Variants in ZNF346 observed in about 807,000 individuals in gnomAD.
ZNF346 encodes double-stranded RNA-binding zinc finger protein JAZ.
A neutral mutation model predicts 33.7 loss-of-function variants in ZNF346; 23 were observed. That is an observed-to-expected ratio of 0.68 (90% confidence interval 0.49 to 0.97). The LOEUF is 0.97. Among genes scored for constraint, ZNF346 ranks in the 50% least tolerant of loss-of-function variants. The pLI is 0.00. For missense variants in ZNF346, 340 were observed against 371.1 expected, an observed-to-expected ratio of 0.92 and a Z score of 0.69; for synonymous variants, 134 against 142.4, an observed-to-expected ratio of 0.94 and a Z score of 0.42.
At chr5:177,076,090 T>G (rs1783733287) in intron 8 of ZNF346, among the ~76,000 whole-genome samples, 1 of 151,390 alleles carries the variant, frequency 6.6e-6, no homozygotes, top group South Asian at 2.1e-4. Flanking sequence ...GCTGGGATTA[T>G]AGGCGTGAGC....
At chr5:177,053,893 C>T (rs533428560) in intron 5 of ZNF346, among the ~76,000 whole-genome samples, 6 of 152,208 alleles carry the variant, frequency 3.9e-5, no homozygotes, top group East Asian at 1.9e-4. Context: ...CCTCTATATA[C>T]GGTGTTTTTC....
chr5:177,037,162 T>C (rs1402105579), intron 1 of ZNF346, among the ~76,000 whole-genome samples: 2 of 152,212 alleles, frequency 1.3e-5, no homozygotes, highest in African/African-American at 4.8e-5. Context: ...CTCCTCACTC[T>C]GCCTTGGCCA....
chr5:177,048,536 G>A (rs550268585), intron 4 of ZNF346, among the ~76,000 whole-genome samples: 114 of 152,146 alleles, frequency 7.5e-4, no homozygotes, highest in Non-Finnish European at 9.4e-4. Flanking sequence ...CAGGAGAATC[G>A]CTTGAACCCC....
intron 1 of ZNF346, among the ~76,000 whole-genome samples, chr5:177,031,698 T>C (rs1777722697): frequency 1.3e-5 from 2 of 152,156 alleles, no homozygotes; most frequent in South Asian, 4.1e-4. Flanking sequence ...ACTCTCTCTC[T>C]CTTCTCTCTT....
intron 5 of ZNF346, among the ~76,000 whole-genome samples, chr5:177,056,744 A>T (rs573627229): frequency 2.9e-5 from 4 of 137,278 alleles, no homozygotes; most frequent in African/African-American, 1.1e-4. Flanking sequence ...GGTGGGGAAC[A>T]TCACACACCC....
chr5:177,053,616 T>C (rs1199253512), intron 5 of ZNF346, among the ~76,000 whole-genome samples: 2 of 152,290 alleles, frequency 1.3e-5, no homozygotes, highest in East Asian at 3.9e-4. Flanking sequence ...ATGAATATTA[T>C]ACTGTTAAGA....
intron 5 of ZNF346, among the ~76,000 whole-genome samples, chr5:177,054,523 C>T (rs1430834044): frequency 2.0e-5 from 3 of 151,756 alleles, no homozygotes; most frequent in Admixed American, 6.6e-5. Flanking sequence ...CTCAGCCTCC[C>T]GTGTAGCTGG....
chr5:177,024,358 C>T (rs546922400), intron 1 of ZNF346, among the ~76,000 whole-genome samples: 2 of 151,970 alleles, frequency 1.3e-5, no homozygotes, highest in Middle Eastern at 3.4e-3. Context: ...CCATGACGCT[C>T]AGCTGATTTT....
chr5:177,037,617 A>T (rs1561981291), intron 1 of ZNF346, among the ~76,000 whole-genome samples: 1 of 152,178 alleles, frequency 6.6e-6, no homozygotes, highest in Admixed American at 6.6e-5. Context: ...TATTGCCGGA[A>T]CATAATTCCA....
Position 177,066,941 on chromosome 5 carries a change from A to C in ZNF346, c.*2342A>C, listed in dbSNP as rs1783223731. On this transcript the variant is annotated 3_prime_UTR_variant, in exon 7 of 7. Transcript: ENST00000358149. Reference sequence around the variant, plus strand: ...GCTGCGCCTGGTGGCACACATCTGTAGTCCCAGCTACTTGGGAGGCTGAGG... The same window carrying C: ...GCTGCGCCTGGTGGCACACATCTGTCGTCCCAGCTACTTGGGAGGCTGAGG... Among the ~76,000 whole-genome samples, 1 of 152,126 alleles carries C rather than the reference A, an allele frequency of 6.6e-6. No individual in the cohort carries two copies. Among genetic ancestry groups the C allele is most frequent in the Non-Finnish European group, 1.5e-5 (1 of 68,032 alleles).
intron 1 of ZNF346, among the ~76,000 whole-genome samples, chr5:177,027,669 T>TA (rs1287520493): frequency 3.3e-4 from 50 of 151,124 alleles, no homozygotes; most frequent in African/African-American, 1.2e-3. Flanking sequence ...TTTTTTTTTT[T>TA]AAATTCTCTA....
chr5:177,023,336 A>G (rs1776168984), intron 1 of ZNF346: 2 of 858,588 alleles, frequency 2.3e-6, no homozygotes, highest in Non-Finnish European at 1.9e-6. Context: ...CAAGCCCCAC[A>G]CTTCCGAGGG....
intron 1 of ZNF346, 107 bp downstream of exon 1, chr5:177,023,020 TGC>T: frequency 7.0e-7 from 1 of 1,437,528 alleles, no homozygotes; most frequent in Non-Finnish European, 9.2e-7. Context: ...CCTTGCGTGC[TGC>T]GCCCCGGGAC....
chr5:177,041,467 G>A (rs1779329436), intron 2 of ZNF346, among the ~76,000 whole-genome samples: 1 of 152,172 alleles, frequency 6.6e-6, no homozygotes. Flanking sequence ...TAAAGTATGA[G>A]CTTTGGCTTT....
intron 5 of ZNF346, among the ~76,000 whole-genome samples, chr5:177,058,213 G>A (rs1283565650): frequency 6.6e-5 from 10 of 151,566 alleles, no homozygotes; most frequent in South Asian, 2.1e-4. Flanking sequence ...GGTGGCTCAC[G>A]CCTGTAATTC....
chr5:177,025,800 A>C, intron 1 of ZNF346, among the ~76,000 whole-genome samples: 1 of 151,992 alleles, frequency 6.6e-6, no homozygotes, highest in East Asian at 1.9e-4. Context: ...ATTTCCAGGT[A>C]TTTCCCCCTG....
downstream of ZNF346, among the ~76,000 whole-genome samples, chr5:177,070,171 AGT>A (rs1783436917): frequency 6.6e-6 from 1 of 152,194 alleles, no homozygotes; most frequent in Non-Finnish European, 1.5e-5. Flanking sequence ...CCTCACCAGC[AGT>A]GTGTGGGAGC....
At chr5:177,051,852 T>C (rs1780978833) in intron 5 of ZNF346, 2 of 152,160 alleles carry the variant, frequency 1.3e-5, no homozygotes, top group Non-Finnish European at 2.9e-5. Flanking sequence ...GATTTTTAAA[T>C]GTGTAACTAA....
intron 1 of ZNF346, among the ~76,000 whole-genome samples, chr5:177,033,525 T>G (rs181802511): frequency 6.6e-6 from 1 of 152,308 alleles, no homozygotes; most frequent in East Asian, 1.9e-4. Flanking sequence ...GTTTTGTTTT[T>G]GTTTTTGTTT....
Sources: gnomAD v4.1 joint callset for allele counts (sites outside exome capture counted in the v4.1 genomes callset) on GRCh38, gnomAD v4.1.1 for gene constraint, MANE v1.5 for transcripts, NCBI Gene and HGNC (gene_info 2026-07-23, HGNC 2026-07-21) for gene names.